The following IL10RA variants were observed in gnomAD, a reference collection of about 807,000 sequenced individuals.
The protein encoded by IL10RA is interleukin-10 receptor subunit alpha.
Under a neutral mutation model 29.6 loss-of-function variants are expected in IL10RA, and 18 were observed. The observed-to-expected ratio is 0.61, with a 90% CI of 0.42 to 0.90. The LOEUF (loss-of-function observed/expected upper bound fraction) is 0.90, where lower values mean the gene tolerates loss of function less well. Among genes scored for constraint, IL10RA ranks in the 40% least tolerant of loss-of-function variants. The pLI is 0.00. For missense variants in IL10RA, 634 were observed against 716.6 expected (o/e 0.88, Z 1.32); for synonymous variants, 292 against 294.1 (o/e 0.99, Z 0.07).
intron 6 of IL10RA, among the ~76,000 whole-genome samples, chr11:117,996,575 C>G (rs1171047103): frequency 6.6e-6 from 1 of 152,168 alleles, no homozygotes; most frequent in African/African-American, 2.4e-5. Context: ...GGCAGGGGCC[C>G]CACAACTGGA....
Position 117,989,619 on chromosome 11 carries a change from A to C in IL10RA, c.366A>C (p.Glu122Asp). 1 of 1,613,802 alleles carries C rather than the reference A, an allele frequency of 6.2e-7. No individual in the cohort carries two copies. The highest frequency in any genetic ancestry group is 8.5e-7 in the Non-Finnish European group (1 of 1,180,004). ...TVTNTRFSVD[E>D]VTLTVGSVNL... is the part of the protein sequence containing the mutation. ...CCAACACCCGCTTCTCTGTGGATGAAGGTGCTTTTCCTCCCTTGACTTAGA... is the reference window on the plus strand; with the variant it reads ...CCAACACCCGCTTCTCTGTGGATGACGGTGCTTTTCCTCCCTTGACTTAGA... Residue 122 changes from glutamate (E) to aspartate (D), a missense_variant and splice_region_variant, in exon 3 of 7, where the codon GAA becomes GAC. Glu to Asp is a conservative substitution (Grantham distance 45, BLOSUM62 2). Coordinates refer to ENST00000227752, the MANE Select transcript of IL10RA (RefSeq NM_001558.4). The surrounding 1 kb of genome is among the most constrained non-coding windows in gnomAD (Gnocchi z 4.5).
chr11:117,991,552 C>G (rs554004373), intron 3 of IL10RA, among the ~76,000 whole-genome samples: 51 of 152,330 alleles, frequency 3.3e-4, no homozygotes, highest in African/African-American at 1.2e-3. Flanking sequence ...ATCCACTTCT[C>G]CCACCTGCCT....
chr11:118,001,608 C>G (rs535363452), downstream of IL10RA: 1 of 358,726 alleles, frequency 2.8e-6, no homozygotes, highest in Non-Finnish European at 5.4e-6. Flanking sequence ...GCTGAGGACT[C>G]AGGCTTAAAT....
rs1028650916 is a variant in IL10RA, at chr11:117,995,794, G to C, written c.810+84G>C. On this transcript the variant is annotated intron_variant, in intron 6 of 6. Coordinates refer to ENST00000227752, the MANE Select transcript of IL10RA (RefSeq NM_001558.4). Reference sequence around the variant, plus strand: ...AGGGCAGGGAGCTCTTTTCCTCCCAGCCAGTCCATTGCCTTAGCTTGCCTC... The same window carrying C: ...AGGGCAGGGAGCTCTTTTCCTCCCACCCAGTCCATTGCCTTAGCTTGCCTC... The C allele has an allele frequency of 6.2e-6, 9 of 1,451,768 alleles. No homozygotes were observed. In the African/African-American group the frequency reaches 1.3e-4, roughly 20 times the overall value. 89.9% of individuals were successfully genotyped at this position (1,451,768 alleles called of 1,614,324 possible).
chr11:117,993,100 T>C (rs1013858614), intron 3 of IL10RA, 141 bp from the exon 4 acceptor site: 2 of 723,656 alleles, frequency 2.8e-6, no homozygotes, highest in African/African-American at 3.5e-5. Flanking sequence ...TACATTCTGC[T>C]GCATTGACAA....
At chr11:117,996,602 C>T (rs4252281) in intron 6 of IL10RA, among the ~76,000 whole-genome samples, 7 of 152,196 alleles carry the variant, frequency 4.6e-5, no homozygotes, top group Non-Finnish European at 1.0e-4. Flanking sequence ...ATCTCCAGAG[C>T]GATCCTGGGA....
Position 117,993,320 on chromosome 11 carries a change from G to A in IL10RA, c.447G>A (p.Lys149=), listed in dbSNP as rs750580462. ...GGAAGATTCAGCTACCCAGGCCCAA[G>A]ATGGCCCCCGCAAATGACACATATG... The part of the protein sequence containing the change: ...ILGKIQLPRP[K]MAPANDTYES... The change falls in exon 4 of 7, where the codon AAG becomes AAA. Residue 149 remains lysine (K), a synonymous_variant. Transcript: ENST00000227752. 1.3e-5 allele frequency: 21 copies of A among 1,613,824 alleles called. No homozygotes were observed. Among genetic ancestry groups the A allele is most frequent in the Non-Finnish European group, 1.7e-5 (20 of 1,179,828 alleles).
Position 117,993,412 on chromosome 11 carries a change from T to A in IL10RA, c.537+2T>A, listed in dbSNP as rs752569550. On this transcript the variant is annotated splice_donor_variant, in intron 4 of 6. Coordinates refer to ENST00000227752, the MANE Select transcript of IL10RA (RefSeq NM_001558.4). LOFTEE classifies it high-confidence loss of function. The stretch of plus-strand genomic sequence containing the variant: ...CGCAAGGTGCCGGGAAACTTCACGG[T>A]ATGGGGTTCCCCAAGGCCCCAGGGC... 2 of 1,613,780 alleles carry A rather than the reference T, an allele frequency of 1.2e-6. No homozygotes were observed. Among genetic ancestry groups the A allele is most frequent in the Admixed American group, 1.7e-5 (1 of 60,028 alleles).
rs1401528735 is a variant in IL10RA, at chr11:117,999,378, C to G, written c.1474C>G (p.Leu492Val). ...TGAGGCAGGCTTGCATCCACCAGCC[C>G]TGGCCAAGGGCTATTTGAAACAGGA... ...VDEAGLHPPA[L>V]AKGYLKQDPL... The change falls in exon 7 of 7, where the codon CTG becomes GTG. Residue 492 changes from leucine to valine, a missense_variant. Transcript: ENST00000227752. The G allele has an allele frequency of 1.9e-6, 3 of 1,614,202 alleles. No individual in the cohort carries two copies. The highest frequency in any genetic ancestry group is 2.5e-6 in the Non-Finnish European group (3 of 1,180,044).
intron 3 of IL10RA, among the ~76,000 whole-genome samples, chr11:117,991,519 T>C (rs999552453): frequency 2.6e-5 from 4 of 152,208 alleles, no homozygotes; most frequent in African/African-American, 9.6e-5. Flanking sequence ...CACTGTAACT[T>C]GGTACCCCTC....
chr11:117,986,585 T>G (rs1437972145), intron 1 of IL10RA, 51 bp downstream of exon 1: 1 of 1,548,042 alleles, frequency 6.5e-7, no homozygotes, highest in Non-Finnish European at 8.7e-7. Context: ...CCGCGCCCGC[T>G]CCATTAAAGT....
Position 117,989,590 on chromosome 11 carries a change from G to A in IL10RA, c.337G>A (p.Val113Ile), listed in dbSNP as rs4252303. The change falls in exon 3 of 7, where the codon GTC (valine) becomes ATC (isoleucine). Residue 113 changes from valine to isoleucine, a missense_variant. Val to Ile is a conservative substitution (Grantham distance 29). Coordinates refer to ENST00000227752, the MANE Select transcript of IL10RA (RefSeq NM_001558.4). The surrounding 1 kb of genome is among the most constrained non-coding windows in gnomAD (Gnocchi z 4.5). ...CGGCAGCCGGCACTCCAACTGGACCGTCACCAACACCCGCTTCTCTGTGGA... is the reference window on the plus strand; with the variant it reads ...CGGCAGCCGGCACTCCAACTGGACCATCACCAACACCCGCTTCTCTGTGGA... ...VDGSRHSNWTVTNTRFSVDEV... is the reference protein window; with the variant it reads ...VDGSRHSNWTITNTRFSVDEV... 14,939 of 1,614,108 alleles carry A rather than the reference G, an allele frequency of 9.3e-3. 98 individuals are homozygous for A. The highest frequency in any genetic ancestry group is 0.011 in the Non-Finnish European group (13,419 of 1,180,016).
intron 3 of IL10RA, among the ~76,000 whole-genome samples, chr11:117,992,169 A>G (rs2058026984): frequency 6.6e-6 from 1 of 152,254 alleles, no homozygotes; most frequent in African/African-American, 2.4e-5. Context: ...CGGGGGATAC[A>G]GGTATCTCTT....
rs1226809400 is a variant in IL10RA at position 118,001,251 on chromosome 11, G to C, written c.*1610G>C. 4.4e-6 allele frequency: 2 copies of C among 454,124 alleles called. No homozygotes were observed. The highest frequency in any genetic ancestry group is 2.0e-5 in the African/African-American group (1 of 50,100). 28.1% of individuals were successfully genotyped at this position (454,124 alleles called of 1,614,324 possible). A position where few individuals can be genotyped will look rare whatever the true frequency, so the allele number is the denominator to read the frequency against. On this transcript the variant is annotated 3_prime_UTR_variant, in exon 7 of 7. Coordinates refer to ENST00000227752, the MANE Select transcript of IL10RA (RefSeq NM_001558.4). ...AGTGAAAGAATTCTGGATATCTCAGGAGCCCCGAAATTCTAGCTCTGACTT... is the reference window on the plus strand; with the variant it reads ...AGTGAAAGAATTCTGGATATCTCAGCAGCCCCGAAATTCTAGCTCTGACTT...
chr11:118,000,248 T>C lies in IL10RA; in HGVS notation c.*607T>C, dbSNP rs1337634123. The C allele has an allele frequency of 2.2e-6, 1 of 454,050 alleles. No individual in the cohort carries two copies. The highest frequency in any genetic ancestry group is 2.0e-5 in the African/African-American group (1 of 49,978). The allele number at this position is 454,050 out of a possible 1,614,324, so 28.1% of individuals were successfully genotyped here. A position where few individuals can be genotyped will look rare whatever the true frequency, so the allele number is the denominator to read the frequency against. ...ATTTTCTGGACACTCAAACACATCA[T>C]AATGGATTCACTGAGGGGAGACAAA... On this transcript the variant is annotated 3_prime_UTR_variant, in exon 7 of 7. Coordinates refer to ENST00000227752, the MANE Select transcript of IL10RA (RefSeq NM_001558.4).
At chr11:117,992,019 G>A (rs947252535) in intron 3 of IL10RA, among the ~76,000 whole-genome samples, 3 of 152,218 alleles carry the variant, frequency 2.0e-5, no homozygotes, top group Non-Finnish European at 2.9e-5. Context: ...ACAGGCGTGA[G>A]CCACTGGGCC....
chr11:117,986,958 T>A, intron 1 of IL10RA: 1 of 706,018 alleles, frequency 1.4e-6, no homozygotes, highest in Non-Finnish European at 2.2e-6. Context: ...CCATCTCACC[T>A]TCATCCCTCA....
chr11:117,986,922 T>C, intron 1 of IL10RA: 1 of 968,310 alleles, frequency 1.0e-6, no homozygotes, highest in Admixed American at 2.3e-5. Context: ...AGTCGACTCT[T>C]CAACTAACCT....
chr11:117,986,737 G>A (rs1456549026), intron 1 of IL10RA: 3 of 1,533,358 alleles, frequency 2.0e-6, no homozygotes, highest in Admixed American at 3.9e-5. Flanking sequence ...CTGACGGATT[G>A]GGAAGGATAG....
Sources: allele counts gnomAD v4.1 joint callset (sites outside exome capture counted in the v4.1 genomes callset), GRCh38; gene constraint gnomAD v4.1.1; non-coding constraint Gnocchi (gnomAD v3.1); transcripts MANE v1.5; gene names NCBI Gene and HGNC (gene_info 2026-07-23, HGNC 2026-07-21).